The following KCNK2 variants were observed in gnomAD, a reference collection of about 807,000 sequenced individuals.
KCNK2 encodes the protein potassium two pore domain channel subfamily K member 2.
In KCNK2, 21 loss-of-function variants were observed where a neutral mutation model predicts 40.5. The ratio of observed to expected loss-of-function variants is 0.52; its 90% CI spans 0.37 to 0.75. The LOEUF is 0.75. Ranked by LOEUF, KCNK2 falls within the 30% of genes least tolerant of loss-of-function variation. The probability of loss-of-function intolerance (pLI) is 0.00; values close to 1 mark genes in which losing one functional copy is unlikely to be tolerated. For synonymous variants in KCNK2, 191 were observed against 202.2 expected (o/e 0.94, Z 0.47); for missense variants, 399 against 531.6 (o/e 0.75, Z 2.45).
At chr1:215,095,712 T>C (rs1659947217) in intron 2 of KCNK2, among the ~76,000 whole-genome samples, 2 of 152,084 alleles carry the variant, frequency 1.3e-5, no homozygotes, top group Non-Finnish European at 2.9e-5. Context: ...ATTTATGATC[T>C]GTGCCTCTAG....
chr1:215,005,849 G>A (rs187235423), upstream of KCNK2: 207 of 1,407,644 alleles, frequency 1.5e-4, no homozygotes, highest in Non-Finnish European at 1.9e-4. Context: ...TGGAAATTAC[G>A]GACAAGAAAC....
chr1:215,199,914 G>A (rs1432920586), intron 6 of KCNK2, among the ~76,000 whole-genome samples: 2 of 152,090 alleles, frequency 1.3e-5, no homozygotes, highest in South Asian at 2.1e-4. Context: ...GAAAGGGCCT[G>A]TGATTTCTAC....
chr1:215,128,646 C>T (rs1270650219), intron 3 of KCNK2, among the ~76,000 whole-genome samples: 1 of 152,094 alleles, frequency 6.6e-6, no homozygotes, highest in Non-Finnish European at 1.5e-5. Context: ...TGAACTGTGA[C>T]TTGAAGAAAA....
chr1:215,014,056 T>TA (rs1472651563), intron 1 of KCNK2, among the ~76,000 whole-genome samples: 1 of 152,130 alleles, frequency 6.6e-6, no homozygotes, highest in African/African-American at 2.4e-5. Context: ...TTTAAATAGA[T>TA]ACTCTTTATC....
chr1:215,044,384 C>A (rs1347908073), intron 1 of KCNK2, among the ~76,000 whole-genome samples: 1 of 151,932 alleles, frequency 6.6e-6, no homozygotes, highest in Non-Finnish European at 1.5e-5. Context: ...GAACAAAACA[C>A]CTAGTAATGT....
chr1:215,230,859 G>GA (rs369884476), intron 6 of KCNK2, among the ~76,000 whole-genome samples: 191 of 150,598 alleles, frequency 1.3e-3, no homozygotes, highest in African/African-American at 4.0e-3. Context: ...ACAGAAATGA[G>GA]AAAAAAAAAG....
chr1:215,173,378 A>G (rs1343146372), intron 5 of KCNK2, among the ~76,000 whole-genome samples: 1 of 152,184 alleles, frequency 6.6e-6, no homozygotes, highest in East Asian at 1.9e-4. Context: ...ATTGTTGGAC[A>G]TTTGGGTTGG....
chr1:215,005,716 G>C (rs1395304083), upstream of KCNK2: 4 of 536,090 alleles, frequency 7.5e-6, no homozygotes, highest in Non-Finnish European at 1.3e-5. Flanking sequence ...CATTTCACTT[G>C]CATACAGCAG....
chr1:215,188,146 T>C (rs1319242140), intron 5 of KCNK2, among the ~76,000 whole-genome samples: 1 of 152,170 alleles, frequency 6.6e-6, no homozygotes, highest in African/African-American at 2.4e-5. Context: ...ATCAGTGAAA[T>C]TGAGTATATT....
chr1:215,171,902 TTCTC>T (rs1558123849), intron 4 of KCNK2, 91 bp from the exon 5 acceptor site: 10 of 787,646 alleles, frequency 1.3e-5, no homozygotes, highest in South Asian at 5.1e-5. Context: ...TACAAGTAAT[TTCTC>T]TCTCTCTCTC....
At chr1:215,167,325 TAAC>T (rs1366209993) in intron 3 of KCNK2, among the ~76,000 whole-genome samples, 2 of 111,890 alleles carry the variant, frequency 1.8e-5, no homozygotes, top group Admixed American at 1.9e-4. Context: ...GAAAGTAAAG[TAAC>T]AACGACAAAA....
intron 2 of KCNK2, among the ~76,000 whole-genome samples, chr1:215,095,331 G>A (rs1659931451): frequency 6.6e-6 from 1 of 152,016 alleles, no homozygotes. Flanking sequence ...AGTTATACAG[G>A]AATGCGTGCA....
intron 2 of KCNK2, among the ~76,000 whole-genome samples, chr1:215,094,283 T>G (rs1659882578): frequency 6.6e-6 from 1 of 152,002 alleles, no homozygotes; most frequent in Admixed American, 6.6e-5. Context: ...GCCTGCAAAA[T>G]GTCTAAACAT....
At chr1:215,096,483 T>A (rs915313421) in intron 2 of KCNK2, among the ~76,000 whole-genome samples, 8 of 152,018 alleles carry the variant, frequency 5.3e-5, no homozygotes, top group Non-Finnish European at 8.8e-5. Flanking sequence ...ATTTATGATT[T>A]CATAGGCAGC....
chr1:215,160,860 A>G (rs751538254), intron 3 of KCNK2, among the ~76,000 whole-genome samples: 2 of 152,066 alleles, frequency 1.3e-5, no homozygotes, highest in South Asian at 4.1e-4. Context: ...AGACTTATAC[A>G]TGCCATATTC....
At chr1:215,021,537 C>CTT (rs538476962) in intron 1 of KCNK2, among the ~76,000 whole-genome samples, 1,647 of 96,214 alleles carry the variant, frequency 0.017, 211 homozygotes, top group African/African-American at 0.062. Flanking sequence ...GGACAACCAT[C>CTT]TTTTTTTTTT....
In KCNK2 at chr1:215,083,076, G is replaced by T. The variant is rs1166367461; in HGVS notation, c.-310G>T. On this transcript the variant is annotated 5_prime_UTR_variant, in exon 1 of 7. Coordinates refer to ENST00000444842, the MANE Select transcript of KCNK2 (RefSeq NM_001017425.3). ...TCGCCCGCGCTCTCCGGGTGACCCG[G>T]GCCCGGCAGCAGGCGCGCGCGGGGG... The T allele has an allele frequency of 2.7e-6, 1 of 374,928 alleles. No individual in the cohort carries two copies. Among genetic ancestry groups the T allele is most frequent in the Admixed American group, 5.0e-5 (1 of 20,098 alleles). The allele number at this position is 374,928 out of a possible 1,614,324, so 23.2% of individuals were successfully genotyped here.
Position 215,167,564 on chromosome 1 carries a change from A to G in KCNK2, c.476-1635A>G, listed in dbSNP as rs189169663. 4.1e-3 allele frequency among the ~76,000 whole-genome samples: 622 copies of G among 152,280 alleles called. 1 individual carries two copies. Among genetic ancestry groups the G allele is most frequent in the Non-Finnish European group, 5.9e-3 (404 of 68,020 alleles). On this transcript the variant is annotated intron_variant, in intron 3 of 6. Transcript: ENST00000444842. ...GAGCTACTTGAATAGTAACAAGTAG[A>G]TATCCTTGCACAAAACTGGAAAGGC...
intron 5 of KCNK2, among the ~76,000 whole-genome samples, chr1:215,175,018 A>C (rs3931585): frequency 0.77 from 116,947 of 152,060 alleles, 45,265 homozygotes; most frequent in Non-Finnish European, 0.79. Context: ...AATAGGAGTG[A>C]TGAGAGAGGG....
Sources: allele counts gnomAD v4.1 joint callset (sites outside exome capture counted in the v4.1 genomes callset), GRCh38; gene constraint gnomAD v4.1.1; transcripts MANE v1.5; gene names NCBI Gene and HGNC (gene_info 2026-07-23, HGNC 2026-07-21).